Variants in CC2D1A observed in about 807,000 individuals in gnomAD.
The protein encoded by CC2D1A is coiled-coil and C2 domain containing 1A.
Under a neutral mutation model 123.8 loss-of-function variants are expected in CC2D1A, and 68 were observed. That is an observed-to-expected ratio of 0.55 (90% CI 0.45 to 0.67). The LOEUF is 0.67. Among genes scored for constraint, CC2D1A ranks in the 30% least tolerant of loss-of-function variants. The pLI is 0.00. For missense variants in CC2D1A, 1,185 were observed against 1,290.3 expected (o/e 0.92, Z 1.25); for synonymous variants, 477 against 528.0 (o/e 0.90, Z 1.32).
In CC2D1A at chr19:13,906,459, AC is replaced by A. The variant is rs1487202500; in HGVS notation, c.23del (p.Pro8ArgfsTer25). 2.0e-6 allele frequency: 3 copies of A among 1,513,130 alleles called. No individual in the cohort carries two copies. The highest frequency in any genetic ancestry group is 1.8e-6 in the Non-Finnish European group (2 of 1,133,234). 93.7% of individuals were successfully genotyped at this position (1,513,130 alleles called of 1,614,324 possible). A position where few individuals can be genotyped will look rare whatever the true frequency, so the allele number is the denominator to read the frequency against. MHKRKG[P>X]PGPPGRGAAA... The stretch of plus-strand genomic sequence containing the variant: ...CCTTGAAGATGCACAAGAGGAAAGG[AC>A]CCCCGGGACCCCCGGGCAGAGGCGC... On this transcript the variant is annotated frameshift_variant, in exon 1 of 29. Coordinates refer to ENST00000318003, the MANE Select transcript of CC2D1A (RefSeq NM_017721.5). LOFTEE classifies it high-confidence loss of function. This position sits in a 1 kb window ranked among gnomAD's most constrained non-coding sequence, Gnocchi z 4.1.
At chr19:13,908,025 GAC>G (rs1479858073) in intron 1 of CC2D1A, among the ~76,000 whole-genome samples, 1 of 152,172 alleles carries the variant, frequency 6.6e-6, no homozygotes, top group African/African-American at 2.4e-5. Context: ...TTGTTTTTGA[GAC>G]AGAGTCTTGC....
chr19:13,925,961 C>CGTATATATATGTGTATATATATAT (rs1971590775), intron 17 of CC2D1A, among the ~76,000 whole-genome samples: 2 of 98,404 alleles, frequency 2.0e-5, no homozygotes, highest in African/African-American at 1.2e-4. Context: ...TATATATATA[C>CGTATATATATGTGTATATATATAT]ACGTATATAT....
chr19:13,919,691 T>A lies in CC2D1A; in HGVS notation c.1223-127T>A, dbSNP rs575146030. 2.9e-3 allele frequency: 2,706 copies of A among 937,174 alleles called. 5 individuals are homozygous for A. Among genetic ancestry groups the A allele is most frequent in the Admixed American group, 4.9e-3 (157 of 32,246 alleles). 58.1% of individuals were successfully genotyped at this position (937,174 alleles called of 1,614,324 possible). On this transcript the variant is annotated intron_variant, in intron 11 of 28. Transcript: ENST00000318003. ...AGATCCTGTCTCAAAAAAAAAAAAA[T>A]TAATTAATTAAAAAAAGTAAAGGCC...
In CC2D1A at chr19:13,926,557, A is replaced by G; in HGVS notation, c.1981A>G (p.Ile661Val). 1 of 1,614,142 alleles carries G rather than the reference A, an allele frequency of 6.2e-7. No homozygotes were observed. Among genetic ancestry groups the G allele is most frequent in the South Asian group, 1.1e-5 (1 of 91,080 alleles). Residue 661 changes from isoleucine (I) to valine (V), a missense_variant, in exon 18 of 29, where the codon ATC becomes GTC. By Grantham distance (29) the Ile-to-Val change is conservative. Transcript: ENST00000318003. The stretch of plus-strand genomic sequence containing the variant: ...CAGCAGCAACGACATGCTCCTCTTC[A>G]TCGTGAAGGGCATCAACTTGCCCAC... ...DLSSNDMLLFIVKGINLPTPP... is the reference protein window; with the variant it reads ...DLSSNDMLLFVVKGINLPTPP...
rs369894759 is a variant in CC2D1A at position 13,912,769 on chromosome 19, C to G, written c.378+176C>G. ...CCAGGTTCAAGGGATCCTCCCACCT[C>G]AGCCTCCCCAGTAGCTGGGATTACA... On this transcript the variant is annotated intron_variant, in intron 4 of 28. Transcript: ENST00000318003. 2.5e-4 allele frequency among the ~76,000 whole-genome samples: 38 copies of G among 152,338 alleles called. 1 individual carries two copies. In the East Asian group the frequency reaches 7.1e-3, roughly 29 times the overall value.
At position 13,909,864 on chromosome 19, in the gene CC2D1A, C is replaced by A; in HGVS notation, c.102C>A (p.Ile34=). ...LVDLSPDGLM[I]PEDGANDEEL... ...ACCTCTCCCCAGATGGCCTGATGAT[C>A]CCTGAGGACGGGGCTAACGATGAAG... The change falls in exon 2 of 29, where the codon ATC becomes ATA. Residue 34 remains isoleucine, a synonymous_variant. Coordinates refer to ENST00000318003, the MANE Select transcript of CC2D1A (RefSeq NM_017721.5). 1 of 1,579,808 alleles carries A rather than the reference C, an allele frequency of 6.3e-7. No homozygotes were observed. The highest frequency in any genetic ancestry group is 8.6e-7 in the Non-Finnish European group (1 of 1,160,078).
At chr19:13,927,797 CAAAA>C in intron 22 of CC2D1A, 92 bp from the exon 23 acceptor site, 1 of 995,704 alleles carries the variant, frequency 1.0e-6, no homozygotes, top group Non-Finnish European at 1.4e-6. Context: ...AAAAAAAAAC[CAAAA>C]AAAAAAACCA....
Position 13,926,560 on chromosome 19 carries a change from G to A in CC2D1A, c.1984G>A (p.Val662Met), listed in dbSNP as rs753360853. 5.2e-5 allele frequency: 84 copies of A among 1,614,024 alleles called. No individual in the cohort carries two copies. Among genetic ancestry groups the A allele is most frequent in the Middle Eastern group, 4.9e-4 (3 of 6,084 alleles). ...CAGCAACGACATGCTCCTCTTCATC[G>A]TGAAGGGCATCAACTTGCCCACACC... ...LSSNDMLLFI[V>M]KGINLPTPPG... is the part of the protein sequence containing the mutation. The change falls in exon 18 of 29, where the codon GTG (valine) becomes ATG (methionine). Residue 662 changes from valine (V) to methionine (M), a missense_variant. Transcript: ENST00000318003.
chr19:13,914,491 C>T (rs1421549924), intron 6 of CC2D1A, among the ~76,000 whole-genome samples: 1 of 151,592 alleles, frequency 6.6e-6, no homozygotes, highest in Non-Finnish European at 1.5e-5. Context: ...CATGCCACCA[C>T]ACCTGGCTAA....
chr19:13,921,995 T>TTTTTGTTTTG (rs368911260), intron 14 of CC2D1A, among the ~76,000 whole-genome samples: 4 of 151,812 alleles, frequency 2.6e-5, no homozygotes, highest in African/African-American at 9.7e-5. Flanking sequence ...CTCTTTCTTG[T>TTTTTGTTTTG]TTTTGTTTTG....
Position 13,930,473 on chromosome 19 carries a change from C to T in CC2D1A, c.*78C>T, listed in dbSNP as rs1369080033. The T allele has an allele frequency of 2.0e-5, 29 of 1,430,484 alleles. No homozygotes were observed. The highest frequency in any genetic ancestry group is 2.5e-5 in the Non-Finnish European group (27 of 1,069,362). 88.6% of individuals were successfully genotyped at this position (1,430,484 alleles called of 1,614,324 possible). A position where few individuals can be genotyped will look rare whatever the true frequency, so the allele number is the denominator to read the frequency against. On this transcript the variant is annotated 3_prime_UTR_variant, in exon 29 of 29. Coordinates refer to ENST00000318003, the MANE Select transcript of CC2D1A (RefSeq NM_017721.5). This position sits in a 1 kb window ranked among gnomAD's most constrained non-coding sequence, Gnocchi z 6.8. The stretch of plus-strand genomic sequence containing the variant: ...GGGAAGAGCCGACACAGCCACGAAC[C>T]AGACAAGCAGACAATCAGCGGACAA...
chr19:13,908,155 G>A (rs371196461), intron 1 of CC2D1A, among the ~76,000 whole-genome samples: 3 of 150,370 alleles, frequency 2.0e-5, no homozygotes, highest in Admixed American at 6.6e-5. Context: ...ACAGGCATGC[G>A]CCACCATGCC....
At chr19:13,928,769 C>T (rs572332386) in intron 24 of CC2D1A, among the ~76,000 whole-genome samples, 2 of 141,034 alleles carry the variant, frequency 1.4e-5, no homozygotes, top group East Asian at 2.1e-4. Flanking sequence ...AGTGCAATGG[C>T]GCGATCTCAG....
Position 13,930,307 on chromosome 19 carries a change from T to C in CC2D1A, c.2835+18T>C. ...AGAGTGAGGTAAGCAGCTTAGGAGATGGGGTGGTTGGGGGATCACTGTGGT... is the reference window on the plus strand; with the variant it reads ...AGAGTGAGGTAAGCAGCTTAGGAGACGGGGTGGTTGGGGGATCACTGTGGT... On this transcript the variant is annotated intron_variant, in intron 28 of 28. Transcript: ENST00000318003. This position sits in a 1 kb window ranked among gnomAD's most constrained non-coding sequence, Gnocchi z 6.8. 1.2e-6 allele frequency: 2 copies of C among 1,613,714 alleles called. No homozygotes were observed. Among genetic ancestry groups the C allele is most frequent in the Non-Finnish European group, 1.7e-6 (2 of 1,179,824 alleles).
Position 13,919,919 on chromosome 19 carries a change from C to T in CC2D1A, c.1324C>T (p.Pro442Ser). 6.2e-7 allele frequency: 1 copy of T among 1,612,802 alleles called. No homozygotes were observed. Among genetic ancestry groups the T allele is most frequent in the Non-Finnish European group, 8.5e-7 (1 of 1,179,672 alleles). Residue 442 changes from proline (P) to serine (S), a missense_variant, in exon 12 of 29, where the codon CCA (proline) becomes TCA (serine). Coordinates refer to ENST00000318003, the MANE Select transcript of CC2D1A (RefSeq NM_017721.5). ...AMKLANQDEGPEDEEDEVPKK... is the reference protein window; with the variant it reads ...AMKLANQDEGSEDEEDEVPKK... ...GAAGCTGGCCAACCAGGATGAAGGC[C>T]CAGAGGATGAAGAGGATGAGGTGCC...
At chr19:13,914,107 A>C (rs542026135) in intron 6 of CC2D1A, among the ~76,000 whole-genome samples, 4 of 151,696 alleles carry the variant, frequency 2.6e-5, no homozygotes, top group African/African-American at 9.7e-5. Flanking sequence ...TGAATTCCTG[A>C]CCTCAGGTGA....
intron 24 of CC2D1A, 76 bp downstream of exon 24, chr19:13,928,264 A>G: frequency 7.6e-7 from 1 of 1,322,180 alleles, no homozygotes; most frequent in South Asian, 1.3e-5. Context: ...GTTTCCCACC[A>G]GGCACAAATT....
intron 2 of CC2D1A, among the ~76,000 whole-genome samples, chr19:13,911,219 C>G (rs1277542990): frequency 1.3e-5 from 2 of 152,116 alleles, no homozygotes; most frequent in Non-Finnish European, 2.9e-5. Context: ...GAGCAAGATC[C>G]TGTCTCCAAA....
chr19:13,918,063 C>T lies in CC2D1A; in HGVS notation c.749-7C>T. On this transcript the variant is annotated splice_region_variant and splice_polypyrimidine_tract_variant and intron_variant, in intron 6 of 28. Coordinates refer to ENST00000318003, the MANE Select transcript of CC2D1A (RefSeq NM_017721.5). ...GGAGGCTTCCTGTATGTTGTTCTCC[C>T]TTCCAGGTCCCTGCAGCCCTGGCCC... is the stretch of plus-strand genomic sequence containing the variant. 1 of 1,613,082 alleles carries T rather than the reference C, an allele frequency of 6.2e-7. No individual in the cohort carries two copies. The highest frequency in any genetic ancestry group is 8.5e-7 in the Non-Finnish European group (1 of 1,179,900).
Sources: gnomAD v4.1 joint callset for allele counts (sites outside exome capture counted in the v4.1 genomes callset) on GRCh38, gnomAD v4.1.1 for gene constraint, Gnocchi (gnomAD v3.1) non-coding constraint, MANE v1.5 for transcripts, NCBI Gene and HGNC (gene_info 2026-07-23, HGNC 2026-07-21) for gene names.